SV2B: variants seen among roughly 807,000 people sequenced by gnomAD.
SV2B encodes synaptic vesicle glycoprotein 2B.
SV2B carries 41 observed loss-of-function variants against 73.9 expected under a neutral mutation model. That is an observed-to-expected ratio of 0.56 (90% CI 0.43 to 0.72). SV2B has a LOEUF of 0.72. Among genes scored for constraint, SV2B ranks in the 30% least tolerant of loss-of-function variants. The pLI is 0.00. For synonymous variants in SV2B, 314 were observed against 314.2 expected, an observed-to-expected ratio of 1.00 and a Z score of 0.01; for missense variants, 764 against 857.8, an observed-to-expected ratio of 0.89 and a Z score of 1.37.
chr15:91,272,753 T>C (rs965023035), intron 9 of SV2B, among the ~76,000 whole-genome samples: 1 of 151,022 alleles, frequency 6.6e-6, no homozygotes, highest in Admixed American at 6.6e-5. Flanking sequence ...AGAACAGAGG[T>C]TGCTGTCACG....
At chr15:91,262,657 T>C (rs923102287) in intron 6 of SV2B, among the ~76,000 whole-genome samples, 3 of 152,296 alleles carry the variant, frequency 2.0e-5, no homozygotes, top group African/African-American at 7.2e-5. Flanking sequence ...GTTCCCTTCT[T>C]TGTGTTCACA....
rs569333446 is a variant in SV2B at position 91,105,219 on chromosome 15, A to C, written c.-392+4856A>C. Among the ~76,000 whole-genome samples the C allele has an allele frequency of 1.3e-5, 2 of 152,326 alleles. No homozygotes were observed. Among genetic ancestry groups the C allele is most frequent in the African/African-American group, 4.8e-5 (2 of 41,568 alleles). On this transcript the variant is annotated intron_variant, in intron 1 of 12. Transcript: ENST00000394232. The surrounding 1 kb of genome is among the most constrained non-coding windows in gnomAD (Gnocchi z 5.5). The stretch of plus-strand genomic sequence containing the variant: ...AAGTAAATAATGTATGTTTTATATC[A>C]GGTGATTAAGGAATGTTGAGCAGGG...
In SV2B at chr15:91,242,645, G is replaced by C. The variant is rs565511622; in HGVS notation, c.452-9174G>C. Among the ~76,000 whole-genome samples the C allele has an allele frequency of 2.3e-4, 35 of 152,268 alleles. No individual in the cohort carries two copies. The highest frequency in any genetic ancestry group is 5.9e-4 in the Admixed American group (9 of 15,294). ...AGACTCTGAGGTGGGAGAGAGCATA[G>C]GACATCAGTATCCAGGGGTTGCTTA... On this transcript the variant is annotated intron_variant, in intron 2 of 12. Transcript: ENST00000394232. This position sits in a 1 kb window ranked among gnomAD's most constrained non-coding sequence, Gnocchi z 4.9.
intron 9 of SV2B, among the ~76,000 whole-genome samples, chr15:91,272,077 A>G (rs78498898): frequency 0.012 from 1,782 of 152,302 alleles, 28 homozygotes; most frequent in African/African-American, 0.039. Flanking sequence ...AGAAGAAACA[A>G]AAGTGCCAAG....
intron 2 of SV2B, among the ~76,000 whole-genome samples, chr15:91,248,092 T>C (rs994574608): frequency 1.2e-4 from 18 of 152,184 alleles, no homozygotes; most frequent in African/African-American, 1.9e-4. Context: ...GAGGCCGAGG[T>C]GGGCGGATCA....
rs2042814022 is a variant in SV2B, at chr15:91,136,054, A to G, written c.-392+35691A>G. 6.6e-6 allele frequency among the ~76,000 whole-genome samples: 1 copy of G among 152,084 alleles called. No homozygotes were observed. The highest frequency in any genetic ancestry group is 6.5e-5 in the Admixed American group (1 of 15,268). On this transcript the variant is annotated intron_variant, in intron 1 of 12. Transcript: ENST00000394232. This position sits in a 1 kb window ranked among gnomAD's most constrained non-coding sequence, Gnocchi z 5.6. Reference sequence around the variant, plus strand: ...GCATGTGTAGATATGAAAATAATATAAAGTTAGATATGAAGATAATATAAA... The same window carrying G: ...GCATGTGTAGATATGAAAATAATATGAAGTTAGATATGAAGATAATATAAA...
intron 2 of SV2B, among the ~76,000 whole-genome samples, chr15:91,249,390 G>T (rs1437362674): frequency 6.6e-6 from 1 of 152,044 alleles, no homozygotes; most frequent in Non-Finnish European, 1.5e-5. Flanking sequence ...TACCTTTATT[G>T]AGCACCTTTT....
chr15:91,237,205 T>C (rs904553506), intron 2 of SV2B, among the ~76,000 whole-genome samples: 3 of 152,214 alleles, frequency 2.0e-5, no homozygotes, highest in Admixed American at 2.0e-4. Flanking sequence ...CCTGACTTTC[T>C]TTAGAATGAG....
intron 1 of SV2B, among the ~76,000 whole-genome samples, chr15:91,183,909 G>A (rs1431343502): frequency 6.6e-6 from 1 of 151,942 alleles, no homozygotes; most frequent in Admixed American, 6.6e-5. Context: ...TCTGCTCGTC[G>A]TTTCTACGTG....
intron 1 of SV2B, among the ~76,000 whole-genome samples, chr15:91,153,657 G>A (rs1249766925): frequency 6.6e-6 from 1 of 152,132 alleles, no homozygotes; most frequent in Admixed American, 6.5e-5. Context: ...GCCGGTGCCT[G>A]GGTGGATTTT....
In SV2B at chr15:91,103,840, T is replaced by A. The variant is rs373804617; in HGVS notation, c.-392+3477T>A. 1.3e-3 allele frequency among the ~76,000 whole-genome samples: 191 copies of A among 152,276 alleles called. 5 individuals are homozygous for A. The South Asian group carries it at 0.037, about 29-fold the overall frequency. Reference sequence around the variant, plus strand: ...TTCTGTGAATTTCCCCCATCCAATATCTGGCTTTTAGTATTGCTGCCTCAG... The same window carrying A: ...TTCTGTGAATTTCCCCCATCCAATAACTGGCTTTTAGTATTGCTGCCTCAG... On this transcript the variant is annotated intron_variant, in intron 1 of 12. Transcript: ENST00000394232.
In SV2B at chr15:91,124,424, G is replaced by A. The variant is rs953528438; in HGVS notation, c.-392+24061G>A. On this transcript the variant is annotated intron_variant, in intron 1 of 12. Coordinates refer to ENST00000394232, the MANE Select transcript of SV2B (RefSeq NM_001323032.3). The surrounding 1 kb of genome is among the most constrained non-coding windows in gnomAD (Gnocchi z 4.6). ...CGAGTGTGAGGTGCAGCAGCCAAGAGCCAGTGAGGAAGAGAGCCTGGAGGG... is the reference window on the plus strand; with the variant it reads ...CGAGTGTGAGGTGCAGCAGCCAAGAACCAGTGAGGAAGAGAGCCTGGAGGG... 2.0e-5 allele frequency among the ~76,000 whole-genome samples: 3 copies of A among 152,144 alleles called. No individual in the cohort carries two copies. Among genetic ancestry groups the A allele is most frequent in the Non-Finnish European group, 4.4e-5 (3 of 68,034 alleles).
chr15:91,277,540 T>A (rs1180771656), intron 9 of SV2B, among the ~76,000 whole-genome samples: 1 of 152,224 alleles, frequency 6.6e-6, no homozygotes, highest in East Asian at 1.9e-4. Context: ...TTTATGTTAC[T>A]TACATGGAAT....
chr15:91,206,244 G>A (rs1299396175), intron 1 of SV2B, among the ~76,000 whole-genome samples: 1 of 122,834 alleles, frequency 8.1e-6, no homozygotes, highest in Non-Finnish European at 1.6e-5. Flanking sequence ...TTCTCTTTGT[G>A]TAGCCCAGGC....
At chr15:91,186,512 A>C (rs1296499789) in intron 1 of SV2B, among the ~76,000 whole-genome samples, 2 of 152,228 alleles carry the variant, frequency 1.3e-5, no homozygotes, top group African/African-American at 2.4e-5. Context: ...AATTTTTAAG[A>C]GGAGGTCATT....
At chr15:91,194,000 TTTTG>T (rs1350731179) in intron 1 of SV2B, among the ~76,000 whole-genome samples, 3 of 151,662 alleles carry the variant, frequency 2.0e-5, no homozygotes, top group Non-Finnish European at 2.9e-5. Flanking sequence ...TAGAGGTTTT[TTTTG>T]TTTGTTTGTT....
In SV2B at chr15:91,284,013, C is replaced by G. The variant is rs1194986439; in HGVS notation, c.1508-8C>G. 6.2e-7 allele frequency: 1 copy of G among 1,614,114 alleles called. No homozygotes were observed. The highest frequency in any genetic ancestry group is 1.1e-5 in the South Asian group (1 of 91,066). On this transcript the variant is annotated splice_polypyrimidine_tract_variant and splice_region_variant and intron_variant, in intron 10 of 12. Coordinates refer to ENST00000394232, the MANE Select transcript of SV2B (RefSeq NM_001323032.3). The surrounding 1 kb of genome is among the most constrained non-coding windows in gnomAD (Gnocchi z 4.5). ...TTACATGAACCGAAGGTTTCCTTCT[C>G]TCCCCAGACCTCTACGAGCACAAGT...
intron 1 of SV2B, among the ~76,000 whole-genome samples, chr15:91,191,473 C>A (rs1045394636): frequency 6.6e-6 from 1 of 152,008 alleles, no homozygotes; most frequent in Non-Finnish European, 1.5e-5. Context: ...TCTTGTTAAG[C>A]CAGTTTAGCA....
intron 1 of SV2B, among the ~76,000 whole-genome samples, chr15:91,213,448 A>G (rs1447027312): frequency 3.3e-5 from 5 of 152,196 alleles, no homozygotes; most frequent in Non-Finnish European, 7.4e-5. Flanking sequence ...TTAGTTATCT[A>G]TGGAATACAA....
Sources: gnomAD v4.1 joint callset for allele counts (sites outside exome capture counted in the v4.1 genomes callset) on GRCh38, gnomAD v4.1.1 for gene constraint, Gnocchi (gnomAD v3.1) non-coding constraint, MANE v1.5 for transcripts, NCBI Gene and HGNC (gene_info 2026-07-23, HGNC 2026-07-21) for gene names.